The following KCNJ12 variants were observed in gnomAD, a reference collection of about 807,000 sequenced individuals.
The protein encoded by KCNJ12 is ATP-sensitive inward rectifier potassium channel 12.
KCNJ12 carries 2 observed loss-of-function variants against 22.3 expected under a neutral mutation model. The observed-to-expected ratio is 0.09, with a 90% CI of 0.04 to 0.28. KCNJ12 has a LOEUF of 0.28. Among genes scored for constraint, KCNJ12 ranks in the 10% least tolerant of loss-of-function variants. KCNJ12 has a pLI of 1.00. For synonymous variants in KCNJ12, 117 were observed against 261.4 expected, an observed-to-expected ratio of 0.45 and a Z score of 5.33; for missense variants, 155 against 633.3, an observed-to-expected ratio of 0.24 and a Z score of 8.11.
intron 2 of KCNJ12, among the ~76,000 whole-genome samples, chr17:21,412,630 G>T (rs572888868): frequency 1.3e-5 from 2 of 152,304 alleles, no homozygotes; most frequent in African/African-American, 4.8e-5. Flanking sequence ...CAGCCTCAGG[G>T]GTCCCCCCTG....
At chr17:21,381,932 T>A (rs1172082702) in intron 1 of KCNJ12, among the ~76,000 whole-genome samples, 2 of 152,198 alleles carry the variant, frequency 1.3e-5, no homozygotes, top group African/African-American at 2.4e-5. Context: ...GTGCCTGACA[T>A]GCAGTGAGTG....
chr17:21,384,866 G>A (rs9901233), intron 1 of KCNJ12, among the ~76,000 whole-genome samples: 74 of 150,272 alleles, frequency 4.9e-4, no homozygotes, highest in African/African-American at 1.7e-3. Context: ...TCCGCCTCCC[G>A]GGTTCACGCC....
At chr17:21,384,782 T>TG (rs1386353953) in intron 1 of KCNJ12, among the ~76,000 whole-genome samples, 4 of 150,140 alleles carry the variant, frequency 2.7e-5, no homozygotes, top group African/African-American at 9.8e-5. Context: ...TTTTTTTTTT[T>TG]TTTGTTTTGA....
At chr17:21,407,864 A>C (rs1906064550) in intron 1 of KCNJ12, among the ~76,000 whole-genome samples, 1 of 150,324 alleles carries the variant, frequency 6.7e-6, no homozygotes, top group Non-Finnish European at 1.5e-5. Flanking sequence ...CCACCCTCAC[A>C]CCCAACCACT....
chr17:21,378,500 G>T (rs1567694699), intron 1 of KCNJ12, among the ~76,000 whole-genome samples: 1 of 152,142 alleles, frequency 6.6e-6, no homozygotes, highest in Non-Finnish European at 1.5e-5. Flanking sequence ...CCTGCCATTT[G>T]GTGGGGCCAA....
In KCNJ12 at chr17:21,416,520, A is replaced by C; in HGVS notation, c.1178A>C (p.Asp393Ala). 1 of 1,612,868 alleles carries C rather than the reference A, an allele frequency of 6.2e-7. No individual in the cohort carries two copies. Among genetic ancestry groups the C allele is most frequent in the South Asian group, 1.1e-5 (1 of 91,082 alleles). The change falls in exon 3 of 3, where the codon GAC (aspartate) becomes GCC (alanine). Residue 393 changes from aspartate to alanine, a missense_variant. By Grantham distance (126) the Asp-to-Ala change is moderately radical. Coordinates refer to ENST00000583088, the MANE Select transcript of KCNJ12 (RefSeq NM_021012.5). ...FLSRDEEDEA[D>A]GDQDGRSRDG... ...AGCCGTGACGAGGAGGATGAGGCGG[A>C]CGGAGACCAGGACGGCCGAAGCCGG... is the stretch of plus-strand genomic sequence containing the variant.
At position 21,418,458 on chromosome 17, in the gene KCNJ12, G is replaced by T. The variant is rs1906969837; in HGVS notation, c.*1814G>T. The T allele has an allele frequency of 6.0e-6, 1 of 166,546 alleles. No individual in the cohort carries two copies. Among genetic ancestry groups the T allele is most frequent in the South Asian group, 2.1e-4 (1 of 4,818 alleles). 10.3% of individuals were successfully genotyped at this position (166,546 alleles called of 1,614,324 possible). On this transcript the variant is annotated 3_prime_UTR_variant, in exon 3 of 3. Coordinates refer to ENST00000583088, the MANE Select transcript of KCNJ12 (RefSeq NM_021012.5). ...GGGGTGCAGGAGACAGAGAGGGGCT[G>T]GGGGCGTGGGGTGGGGGTGTCTGCC...
Position 21,376,642 on chromosome 17 carries a change from G to T in KCNJ12, c.-450G>T, listed in dbSNP as rs1400168322. The T allele has an allele frequency of 6.6e-6, 1 of 151,650 alleles. No homozygotes were observed. The highest frequency in any genetic ancestry group is 2.4e-5 in the African/African-American group (1 of 41,356). The allele number at this position is 151,650 out of a possible 1,614,324, so 9.4% of individuals were successfully genotyped here. ...GGGTGGGCCGGCCGTGCTCACAGCC[G>T]GACCGAGGGACCGACGCCAGCCGCC... On this transcript the variant is annotated 5_prime_UTR_variant, in exon 1 of 3. Transcript: ENST00000583088. This position sits in a 1 kb window ranked among gnomAD's most constrained non-coding sequence, Gnocchi z 5.3.
intron 1 of KCNJ12, among the ~76,000 whole-genome samples, chr17:21,394,854 C>A (rs1247741313): frequency 6.6e-6 from 1 of 152,176 alleles, no homozygotes; most frequent in African/African-American, 2.4e-5. Context: ...CATCTTAGTT[C>A]CAGAAATTCT....
chr17:21,397,435 C>T (rs781838169), intron 1 of KCNJ12, among the ~76,000 whole-genome samples: 23 of 152,198 alleles, frequency 1.5e-4, no homozygotes, highest in Non-Finnish European at 3.2e-4. Flanking sequence ...GTTTCATCCC[C>T]GTGCACTCTT....
intron 1 of KCNJ12, among the ~76,000 whole-genome samples, chr17:21,392,555 G>A (rs1435609216): frequency 2.0e-5 from 3 of 152,266 alleles, no homozygotes; most frequent in Non-Finnish European, 2.9e-5. Context: ...CCCCACCAGG[G>A]CTGCACCCGG....
At chr17:21,411,574 A>G (rs1906352453) in intron 2 of KCNJ12, among the ~76,000 whole-genome samples, 2 of 152,298 alleles carry the variant, frequency 1.3e-5, no homozygotes, top group African/African-American at 2.4e-5. Context: ...TCCTACCTTT[A>G]GTAGTGAGCA....
intron 1 of KCNJ12, among the ~76,000 whole-genome samples, chr17:21,381,756 A>G (rs1904877024): frequency 6.6e-6 from 1 of 151,986 alleles, no homozygotes; most frequent in Non-Finnish European, 1.5e-5. Flanking sequence ...GCCACAATAT[A>G]TTTTATTTGC....
intron 1 of KCNJ12, among the ~76,000 whole-genome samples, chr17:21,380,717 C>T (rs1365011760): frequency 2.6e-5 from 4 of 152,178 alleles, no homozygotes; most frequent in Non-Finnish European, 5.9e-5. Flanking sequence ...CTCGTCATTT[C>T]CCCATCCAAC....
chr17:21,408,950 T>C (rs1906150426), intron 2 of KCNJ12, among the ~76,000 whole-genome samples: 1 of 152,312 alleles, frequency 6.6e-6, no homozygotes, highest in Non-Finnish European at 1.5e-5. Context: ...CACCCATCTG[T>C]CAACCCGATT....
At chr17:21,408,141 T>G (rs1906091894) in intron 1 of KCNJ12, among the ~76,000 whole-genome samples, 1 of 152,304 alleles carries the variant, frequency 6.6e-6, no homozygotes, top group Non-Finnish European at 1.5e-5. Flanking sequence ...TTTGTGACAG[T>G]GGGAGAATTA....
chr17:21,397,594 G>A (rs1597566162), intron 1 of KCNJ12, among the ~76,000 whole-genome samples: 2 of 152,240 alleles, frequency 1.3e-5, no homozygotes, highest in South Asian at 4.1e-4. Context: ...TGGGAGCTGG[G>A]CTAATGCACT....
rs368526538 is a variant in KCNJ12, at chr17:21,388,754, G to C, written c.-179+11841G>C. Among the ~76,000 whole-genome samples, 25 of 152,332 alleles carry C rather than the reference G, an allele frequency of 1.6e-4. 1 individual carries two copies. The highest frequency in any genetic ancestry group is 5.5e-4 in the African/African-American group (23 of 41,588). ...CTCACTGAATTCTCAAAATGTCCCA[G>C]CCAGGCAAGGAGTGGGGCTTGAGAG... On this transcript the variant is annotated intron_variant, in intron 1 of 2. Transcript: ENST00000583088.
At chr17:21,388,341 C>G (rs917327570) in intron 1 of KCNJ12, among the ~76,000 whole-genome samples, 3 of 152,200 alleles carry the variant, frequency 2.0e-5, no homozygotes, top group African/African-American at 7.2e-5. Context: ...TGCCAGCGTT[C>G]TTGCCTGCGC....
Sources: allele counts gnomAD v4.1 joint callset (sites outside exome capture counted in the v4.1 genomes callset), GRCh38; gene constraint gnomAD v4.1.1; non-coding constraint Gnocchi (gnomAD v3.1); transcripts MANE v1.5; gene names NCBI Gene and HGNC (gene_info 2026-07-23, HGNC 2026-07-21).